Variants in SFMBT2 observed in about 807,000 individuals in gnomAD.
The protein encoded by SFMBT2 is Scm like with four mbt domains 2, also known as scm-like with four MBT domains protein 2.
A neutral mutation model predicts 110.1 loss-of-function variants in SFMBT2; 38 were observed. The ratio of observed to expected loss-of-function variants is 0.35; its 90% CI spans 0.27 to 0.45. The LOEUF (loss-of-function observed/expected upper bound fraction) is 0.45. SFMBT2 is among the 20% of genes least tolerant of loss of function. The pLI, the probability that SFMBT2 is intolerant of heterozygous loss-of-function variation, is 1.00. For synonymous variants in SFMBT2, 425 were observed against 425.4 expected (o/e 1.00, Z 0.01); for missense variants, 1,011 against 1,094.9 (o/e 0.92, Z 1.08).
At chr10:7,376,986 T>C (rs527838544) in intron 2 of SFMBT2, among the ~76,000 whole-genome samples, 55 of 150,750 alleles carry the variant, frequency 3.6e-4, no homozygotes, top group South Asian at 6.3e-4. Flanking sequence ...CTGGCTAACA[T>C]GGTGAAACCC....
At position 7,163,506 on chromosome 10, in the gene SFMBT2, G is replaced by T; in HGVS notation, c.*264C>A. ...TTGGGGCAGGAGAAAGGCAAAACGT[G>T]GGTGAGCCAAGAAGCAGGCCCACGT... On this transcript the variant is annotated 3_prime_UTR_variant, in exon 21 of 21. Transcript: ENST00000397167. The surrounding 1 kb of genome is among the most constrained non-coding windows in gnomAD (Gnocchi z 4.8). The T allele has an allele frequency of 2.6e-6, 1 of 391,448 alleles. No homozygotes were observed. Among genetic ancestry groups the T allele is most frequent in the Non-Finnish European group, 4.6e-6 (1 of 216,906 alleles). The allele number at this position is 391,448 out of a possible 1,614,324, so 24.2% of individuals were successfully genotyped here.
rs551435100 is a variant in SFMBT2 at position 7,358,750 on chromosome 10, C to T, written c.436+8899G>A. Reference sequence around the variant, plus strand: ...CTTGAACATCTGCATGGCCCTGAGACATCAGCATGGCCCTAGAACATCTGC... The same window carrying T: ...CTTGAACATCTGCATGGCCCTGAGATATCAGCATGGCCCTAGAACATCTGC... On this transcript the variant is annotated intron_variant, in intron 4 of 20. Transcript: ENST00000397167. Among the ~76,000 whole-genome samples, 11 of 140,378 alleles carry T rather than the reference C, an allele frequency of 7.8e-5. No individual in the cohort carries two copies. The South Asian group carries it at 2.4e-3, about 30-fold the overall frequency. The allele number at this position is 140,378 out of a possible 152,430, so 92.1% of individuals were successfully genotyped here.
chr10:7,315,105 A>G (rs1170974859), intron 4 of SFMBT2, among the ~76,000 whole-genome samples: 3 of 141,890 alleles, frequency 2.1e-5, no homozygotes, highest in Admixed American at 6.9e-5. Flanking sequence ...AGAAAGAAAG[A>G]AAGAAAAAGC....
chr10:7,261,269 T>C (rs1446114690), intron 7 of SFMBT2, among the ~76,000 whole-genome samples: 4 of 152,260 alleles, frequency 2.6e-5, no homozygotes, highest in Non-Finnish European at 5.9e-5. Flanking sequence ...GCTTCAATTA[T>C]GTTTTTCCTT....
intron 4 of SFMBT2, among the ~76,000 whole-genome samples, chr10:7,326,606 A>G (rs79037224): frequency 0.024 from 3,705 of 152,336 alleles, 160 homozygotes; most frequent in African/African-American, 0.082. Context: ...ACAAATACTA[A>G]TAATAGCCAT....
chr10:7,188,091 T>G (rs1296419696), intron 16 of SFMBT2, among the ~76,000 whole-genome samples: 1 of 152,234 alleles, frequency 6.6e-6, no homozygotes, highest in Non-Finnish European at 1.5e-5. Context: ...ACCTTTCCAA[T>G]TAGCCTATTT....
chr10:7,409,480 T>G (rs1209196648), intron 1 of SFMBT2: 2 of 152,056 alleles, frequency 1.3e-5, no homozygotes, highest in Non-Finnish European at 2.9e-5. Context: ...TCGGGGTGGT[T>G]CTCTTTGACA....
intron 4 of SFMBT2, among the ~76,000 whole-genome samples, chr10:7,342,254 A>G (rs1843931918): frequency 6.6e-6 from 1 of 152,124 alleles, no homozygotes; most frequent in Non-Finnish European, 1.5e-5. Context: ...ACATTTATTG[A>G]CCTACTGCCA....
At chr10:7,255,242 T>C (rs1281653089) in intron 7 of SFMBT2, among the ~76,000 whole-genome samples, 3 of 152,170 alleles carry the variant, frequency 2.0e-5, no homozygotes, top group African/African-American at 7.2e-5. Flanking sequence ...ACCGATTATG[T>C]ACTAAGAGAT....
intron 7 of SFMBT2, among the ~76,000 whole-genome samples, chr10:7,254,192 T>C (rs907474601): frequency 2.0e-5 from 3 of 152,198 alleles, no homozygotes; most frequent in Admixed American, 6.5e-5. Flanking sequence ...CGAATTAAAC[T>C]GAAGGGATGA....
chr10:7,179,765 G>A (rs1398044285), intron 16 of SFMBT2, among the ~76,000 whole-genome samples: 1 of 152,194 alleles, frequency 6.6e-6, no homozygotes, highest in Admixed American at 6.5e-5. Flanking sequence ...TGAAGGGAGC[G>A]GTTATCTGGG....
intron 16 of SFMBT2, 114 bp downstream of exon 16, chr10:7,188,510 T>A: frequency 1.3e-6 from 1 of 763,944 alleles, no homozygotes; most frequent in Non-Finnish European, 2.1e-6. Context: ...AGAACGAACG[T>A]CCTTCAGTTT....
intron 7 of SFMBT2, among the ~76,000 whole-genome samples, chr10:7,273,658 A>C (rs1018409879): frequency 6.6e-6 from 1 of 152,034 alleles, no homozygotes. Flanking sequence ...GGTGTTCCCA[A>C]CCCTGTGTCC....
Position 7,285,934 on chromosome 10 carries a change from C to CT in SFMBT2, c.456dup (p.Asp153ArgfsTer9). The CT allele has an allele frequency of 1.1e-6, 1 of 871,466 alleles. No individual in the cohort carries two copies. The highest frequency in any genetic ancestry group is 2.0e-6 in the Non-Finnish European group (1 of 501,442). The allele number at this position is 871,466 out of a possible 1,614,324, so 54.0% of individuals were successfully genotyped here. A position where few individuals can be genotyped will look rare whatever the true frequency, so the allele number is the denominator to read the frequency against. On this transcript the variant is annotated frameshift_variant, in exon 5 of 21. Transcript: ENST00000397167. LOFTEE classifies it high-confidence loss of function. ...TCACGTATGAGAAATTCTGTCCAGT[C>CT]TGTGTACTTCTCTTTGATTGCTGGC...
Position 7,370,380 on chromosome 10 carries a change from T to G in SFMBT2, c.101-5A>C, listed in dbSNP as rs765761998. 45 of 1,613,098 alleles carry G rather than the reference T, an allele frequency of 2.8e-5. No individual in the cohort carries two copies. The East Asian group carries it at 1.0e-3, about 36-fold the overall frequency. On this transcript the variant is annotated splice_polypyrimidine_tract_variant and splice_region_variant and intron_variant, in intron 2 of 20. Coordinates refer to ENST00000397167, the MANE Select transcript of SFMBT2 (RefSeq NM_001387889.1). The stretch of plus-strand genomic sequence containing the variant: ...CCTCCAAGCTTGAGCCTTCTTCTGT[T>G]GAAAAACAAAAGAACAGAATATCAA...
chr10:7,205,904 A>G lies in SFMBT2; in HGVS notation c.1355T>C (p.Val452Ala), dbSNP rs759606898. The G allele has an allele frequency of 1.2e-6, 2 of 1,614,062 alleles. No individual in the cohort carries two copies. Among genetic ancestry groups the G allele is most frequent in the South Asian group, 1.1e-5 (1 of 91,086 alleles). The change falls in exon 12 of 21, where the codon GTC becomes GCC. Residue 452 changes from valine to alanine, a missense_variant. Val to Ala is a moderately conservative substitution (Grantham distance 64). This residue lies in a region of SFMBT2 where 979 missense variants were observed against 1,016.1 expected (regional missense o/e 0.96). Transcript: ENST00000397167. ...GTCCATGGATTCCACATCAACAATGACCTCTGGAACAGGAGTCTGCAGCCC... is the reference window on the plus strand; with the variant it reads ...GTCCATGGATTCCACATCAACAATGGCCTCTGGAACAGGAGTCTGCAGCCC... ...LEGLQTPVPE[V>A]IVDVESMDIF...
chr10:7,212,379 G>T (rs1434388209), intron 11 of SFMBT2, among the ~76,000 whole-genome samples: 1 of 152,194 alleles, frequency 6.6e-6, no homozygotes, highest in Non-Finnish European at 1.5e-5. Flanking sequence ...AGCAAGCAAA[G>T]TTCACAGGAC....
chr10:7,238,617 G>A (rs892599660), intron 9 of SFMBT2, among the ~76,000 whole-genome samples: 6 of 152,134 alleles, frequency 3.9e-5, no homozygotes, highest in African/African-American at 1.2e-4. Context: ...CCTAAATTGT[G>A]TTAACAGTTT....
rs58212127 is a variant in SFMBT2, at chr10:7,377,168, CAAAAAAAAAAA to C, written c.100+4620_100+4630del. Among the ~76,000 whole-genome samples the C allele has an allele frequency of 2.4e-4, 20 of 83,798 alleles. No homozygotes were observed. The East Asian group carries it at 3.1e-3, about 13-fold the overall frequency. The allele number at this position is 83,798 out of a possible 152,430, so 55.0% of individuals were successfully genotyped here. On this transcript the variant is annotated intron_variant, in intron 2 of 20. Transcript: ENST00000397167. ...TGGGAGACAGAGCGAGACTCCATCT[CAAAAAAAAAAA>C]AAAAAAAAAAAAAAAAGAGAAAACA...
Sources: gnomAD v4.1 joint callset for allele counts (sites outside exome capture counted in the v4.1 genomes callset) on GRCh38, gnomAD v4.1.1 for gene constraint, gnomAD v4.1.1 regional missense constraint, Gnocchi (gnomAD v3.1) non-coding constraint, MANE v1.5 for transcripts, NCBI Gene and HGNC (gene_info 2026-07-23, HGNC 2026-07-21) for gene names.